The following NR6A1 variants were observed in gnomAD, a reference collection of about 807,000 sequenced individuals.
The protein encoded by NR6A1 is retinoic acid receptor-related testis-associated receptor.
In NR6A1, 7 loss-of-function variants were observed where a neutral mutation model predicts 59.1. The ratio of observed to expected loss-of-function variants is 0.12; its 90% CI spans 0.07 to 0.22. The LOEUF is 0.22. Among genes scored for constraint, NR6A1 ranks in the 10% least tolerant of loss-of-function variants. NR6A1 has a pLI of 1.00. For synonymous variants in NR6A1, 243 were observed against 236.1 expected, an observed-to-expected ratio of 1.03 and a Z score of -0.27; for missense variants, 468 against 611.6, an observed-to-expected ratio of 0.77 and a Z score of 2.48.
chr9:124,761,143 T>C (rs938036598), intron 1 of NR6A1, among the ~76,000 whole-genome samples: 1 of 152,228 alleles, frequency 6.6e-6, no homozygotes, highest in Admixed American at 6.5e-5. Flanking sequence ...AAGAATGCAA[T>C]TGAAGATTTC....
At chr9:124,707,681 G>A (rs536245424) in intron 2 of NR6A1, among the ~76,000 whole-genome samples, 1 of 151,734 alleles carries the variant, frequency 6.6e-6, no homozygotes, top group African/African-American at 2.4e-5. Context: ...TTTTTGTTTT[G>A]TTTACTAACT....
At chr9:124,585,177 G>A (rs578162979) in intron 2 of NR6A1, among the ~76,000 whole-genome samples, 1 of 152,202 alleles carries the variant, frequency 6.6e-6, no homozygotes, top group Admixed American at 6.5e-5. Flanking sequence ...GGAAGCTGCA[G>A]AAGAAAGGTT....
chr9:124,538,507 C>G (rs1278838617), intron 5 of NR6A1, among the ~76,000 whole-genome samples, 188 bp from the exon 6 acceptor site: 1 of 152,130 alleles, frequency 6.6e-6, no homozygotes, highest in East Asian at 1.9e-4. Context: ...GACAAAGACT[C>G]TATGGGTATA....
chr9:124,522,862 G>C lies in NR6A1; in HGVS notation c.1355-69C>G, dbSNP rs1000739132. ...AGTGGACAGGCAAGTCAGCCTCCTT[G>C]GGCTGGTGGAGGCAGAGTATCACCT... On this transcript the variant is annotated intron_variant, in intron 9 of 9. Transcript: ENST00000487099. 34 of 1,270,720 alleles carry C rather than the reference G, an allele frequency of 2.7e-5. 1 individual carries two copies. The highest frequency in any genetic ancestry group is 1.1e-6 in the Non-Finnish European group (1 of 904,774). 78.7% of individuals were successfully genotyped at this position (1,270,720 alleles called of 1,614,324 possible). A position where few individuals can be genotyped will look rare whatever the true frequency, so the allele number is the denominator to read the frequency against.
chr9:124,667,863 A>G (rs1193279849), intron 2 of NR6A1, among the ~76,000 whole-genome samples: 2 of 152,218 alleles, frequency 1.3e-5, no homozygotes, highest in Non-Finnish European at 2.9e-5. Flanking sequence ...ACAAAAATTT[A>G]ATCATAACTT....
chr9:124,522,700 A>G lies in NR6A1; in HGVS notation c.*5T>C. The G allele has an allele frequency of 6.4e-7, 1 of 1,568,738 alleles. No homozygotes were observed. On this transcript the variant is annotated 3_prime_UTR_variant, in exon 10 of 10. Transcript: ENST00000487099. ...GGTTGGCCTGAGGAGGGCGCCTGGAACAGGTCATTCCTTGCCCACACTGGT... is the reference window on the plus strand; with the variant it reads ...GGTTGGCCTGAGGAGGGCGCCTGGAGCAGGTCATTCCTTGCCCACACTGGT...
chr9:124,628,274 C>T (rs189432945), intron 2 of NR6A1, among the ~76,000 whole-genome samples: 2 of 152,204 alleles, frequency 1.3e-5, no homozygotes, highest in African/African-American at 2.4e-5. Flanking sequence ...GTGATCCGCC[C>T]GCCTCGGCCT....
intron 2 of NR6A1, among the ~76,000 whole-genome samples, chr9:124,605,164 T>G (rs1321125927): frequency 6.6e-6 from 1 of 152,092 alleles, no homozygotes; most frequent in Non-Finnish European, 1.5e-5. Flanking sequence ...TCTTCTAAAA[T>G]AAAAGAACTA....
chr9:124,704,769 TC>T (rs1242191021), intron 2 of NR6A1, among the ~76,000 whole-genome samples: 1 of 152,218 alleles, frequency 6.6e-6, no homozygotes, highest in Non-Finnish European at 1.5e-5. Flanking sequence ...AGACAGGGTC[TC>T]ACTCTATCAC....
At chr9:124,543,371 A>G (rs1404980479) in intron 4 of NR6A1, among the ~76,000 whole-genome samples, 1 of 152,172 alleles carries the variant, frequency 6.6e-6, no homozygotes, top group Non-Finnish European at 1.5e-5. Context: ...AACTCAGTAA[A>G]TGTTTGTGGG....
At chr9:124,733,268 T>G in intron 2 of NR6A1, 40 bp downstream of exon 2, 1 of 1,507,304 alleles carries the variant, frequency 6.6e-7, no homozygotes, top group Non-Finnish European at 9.2e-7. Context: ...ACACACATCC[T>G]TTTCTTACCA....
chr9:124,596,836 A>G (rs1446264225), intron 2 of NR6A1, among the ~76,000 whole-genome samples: 1 of 152,214 alleles, frequency 6.6e-6, no homozygotes, highest in Non-Finnish European at 1.5e-5. Context: ...TAAACATTCA[A>G]ATATCAGGAC....
chr9:124,611,921 A>G (rs1224977260), intron 2 of NR6A1, among the ~76,000 whole-genome samples: 4 of 152,134 alleles, frequency 2.6e-5, no homozygotes, highest in Admixed American at 2.6e-4. Flanking sequence ...CCAGCAAGCC[A>G]GTGTAAGGGA....
chr9:124,728,598 G>A (rs1240394811), intron 2 of NR6A1, among the ~76,000 whole-genome samples: 2 of 151,850 alleles, frequency 1.3e-5, no homozygotes, highest in Non-Finnish European at 2.9e-5. Context: ...TGGCACCACT[G>A]CACTCTAGCC....
At chr9:124,548,882 T>G (rs917683090) in intron 3 of NR6A1, among the ~76,000 whole-genome samples, 64 of 151,820 alleles carry the variant, frequency 4.2e-4, no homozygotes, top group African/African-American at 1.5e-3. Context: ...TGTATCCTCA[T>G]TTCTCCTCTG....
chr9:124,658,215 A>G (rs559705967), intron 2 of NR6A1, among the ~76,000 whole-genome samples: 1 of 152,240 alleles, frequency 6.6e-6, no homozygotes, highest in East Asian at 1.9e-4. Context: ...AAAGTCTCTC[A>G]GTGACTAGAG....
Position 124,716,992 on chromosome 9 carries a change from A to G in NR6A1, c.142+16316T>C, listed in dbSNP as rs1839430859. Among the ~76,000 whole-genome samples the G allele has an allele frequency of 3.3e-5, 5 of 152,220 alleles. 1 individual carries two copies. The highest frequency in any genetic ancestry group is 4.8e-5 in the African/African-American group (2 of 41,456). On this transcript the variant is annotated intron_variant, in intron 2 of 9. Coordinates refer to ENST00000487099, the MANE Select transcript of NR6A1 (RefSeq NM_033334.4). Reference sequence around the variant, plus strand: ...TTAAGAGATGACACATGAATGACCAATAAGTACATGAAAACGTGACCAATA... The same window carrying G: ...TTAAGAGATGACACATGAATGACCAGTAAGTACATGAAAACGTGACCAATA...
At chr9:124,675,891 A>G (rs1352814100) in intron 2 of NR6A1, among the ~76,000 whole-genome samples, 1 of 152,206 alleles carries the variant, frequency 6.6e-6, no homozygotes, top group Non-Finnish European at 1.5e-5. Context: ...AGGCTAGGAA[A>G]AAGTACGCTC....
chr9:124,585,582 A>G (rs1273414261), intron 2 of NR6A1, among the ~76,000 whole-genome samples: 1 of 147,694 alleles, frequency 6.8e-6, no homozygotes, highest in Non-Finnish European at 1.5e-5. Flanking sequence ...AAGGTGAAGC[A>G]GCAAGTGCTG....
Sources: gnomAD v4.1 joint callset for allele counts (sites outside exome capture counted in the v4.1 genomes callset) on GRCh38, gnomAD v4.1.1 for gene constraint, MANE v1.5 for transcripts, NCBI Gene and HGNC (gene_info 2026-07-23, HGNC 2026-07-21) for gene names.